AGBL4: variants seen among roughly 807,000 people sequenced by gnomAD.
The protein encoded by AGBL4 is cytosolic carboxypeptidase 6.
AGBL4 carries 58 observed loss-of-function variants against 66.4 expected under a neutral mutation model. That is an observed-to-expected ratio of 0.87 (90% CI 0.71 to 1.09). The LOEUF (loss-of-function observed/expected upper bound fraction) is 1.09, where lower values mean the gene tolerates loss of function less well. AGBL4 is among the 50% of genes least tolerant of loss of function. The pLI is 0.00. For synonymous variants in AGBL4, 234 were observed against 222.9 expected (o/e 1.05, Z -0.44); for missense variants, 579 against 631.0 (o/e 0.92, Z 0.88).
At chr1:49,520,538 A>G (rs185658995) in intron 3 of AGBL4, among the ~76,000 whole-genome samples, 2 of 152,144 alleles carry the variant, frequency 1.3e-5, no homozygotes, top group Admixed American at 1.3e-4. Flanking sequence ...TGTTGCTTCT[A>G]TCTCTACTTT....
At chr1:48,896,303 T>C (rs760816172) in intron 5 of AGBL4, among the ~76,000 whole-genome samples, 2 of 152,220 alleles carry the variant, frequency 1.3e-5, no homozygotes, top group Non-Finnish European at 2.9e-5. Context: ...AAGTCTGGCA[T>C]TGAGGAACCT....
chr1:49,639,002 C>A (rs747788939), intron 3 of AGBL4, among the ~76,000 whole-genome samples: 26 of 152,020 alleles, frequency 1.7e-4, no homozygotes, highest in Non-Finnish European at 2.6e-4. Flanking sequence ...AGGTTTGTGA[C>A]CAACACAAAG....
At chr1:49,569,505 C>T (rs1445703869) in intron 3 of AGBL4, among the ~76,000 whole-genome samples, 1 of 152,066 alleles carries the variant, frequency 6.6e-6, no homozygotes, top group Non-Finnish European at 1.5e-5. Flanking sequence ...CTACTACTTA[C>T]ACACAAAAAT....
At chr1:49,976,971 A>G (rs914155803) in intron 1 of AGBL4, among the ~76,000 whole-genome samples, 2 of 152,194 alleles carry the variant, frequency 1.3e-5, no homozygotes, top group African/African-American at 4.8e-5. Flanking sequence ...TAGCCAATTT[A>G]CTCAATATAC....
intron 9 of AGBL4, among the ~76,000 whole-genome samples, chr1:48,600,458 C>T (rs755760544): frequency 2.0e-5 from 3 of 151,912 alleles, no homozygotes; most frequent in Non-Finnish European, 4.4e-5. Context: ...TGTGGGAACC[C>T]GAGATCACAC....
At chr1:49,145,043 C>A (rs1452213326) in intron 4 of AGBL4, among the ~76,000 whole-genome samples, 1 of 152,028 alleles carries the variant, frequency 6.6e-6, no homozygotes, top group East Asian at 1.9e-4. Flanking sequence ...CCGGATCAGG[C>A]ATAAAATGTG....
intron 6 of AGBL4, among the ~76,000 whole-genome samples, chr1:48,673,859 C>T (rs387244): frequency 0.7 from 106,896 of 152,084 alleles, 38,547 homozygotes; most frequent in African/African-American, 0.85. Flanking sequence ...AGGGAGATTA[C>T]TTCTGTTGCC....
At chr1:48,645,862 G>A (rs1346734462) in intron 8 of AGBL4, among the ~76,000 whole-genome samples, 2 of 152,092 alleles carry the variant, frequency 1.3e-5, no homozygotes, top group Admixed American at 6.5e-5. Flanking sequence ...AGAGGACAGC[G>A]GGAAGGACAG....
intron 6 of AGBL4, among the ~76,000 whole-genome samples, chr1:48,700,105 G>GA (rs1418153512): frequency 6.6e-6 from 1 of 152,064 alleles, no homozygotes; most frequent in African/African-American, 2.4e-5. Context: ...ACTCCTCTGT[G>GA]CCCCTTTCCC....
intron 4 of AGBL4, among the ~76,000 whole-genome samples, chr1:49,055,761 T>A (rs1464249182): frequency 1.3e-5 from 2 of 152,182 alleles, no homozygotes; most frequent in Non-Finnish European, 2.9e-5. Flanking sequence ...TTAATGTACA[T>A]GAATGCCTAT....
chr1:49,303,640 T>C (rs1042496313), intron 3 of AGBL4, among the ~76,000 whole-genome samples: 3 of 151,800 alleles, frequency 2.0e-5, no homozygotes, highest in Admixed American at 2.0e-4. Flanking sequence ...TCTTCTTCTT[T>C]TTTTTTCTTT....
intron 5 of AGBL4, among the ~76,000 whole-genome samples, chr1:49,035,972 G>A (rs772225626): frequency 1.3e-5 from 2 of 151,918 alleles, no homozygotes; most frequent in Admixed American, 6.6e-5. Context: ...GTAGATGGGA[G>A]GAGGGAGTGG....
chr1:49,240,262 A>T (rs1651115628), intron 4 of AGBL4, among the ~76,000 whole-genome samples: 1 of 152,066 alleles, frequency 6.6e-6, no homozygotes, highest in Admixed American at 6.6e-5. Context: ...CCATAAACCT[A>T]TATCTTTTTC....
At chr1:48,893,816 C>T (rs1296486400) in intron 5 of AGBL4, among the ~76,000 whole-genome samples, 2 of 152,158 alleles carry the variant, frequency 1.3e-5, no homozygotes, top group Non-Finnish European at 2.9e-5. Context: ...CTCAGCAGAA[C>T]CCAACCATGC....
intron 6 of AGBL4, among the ~76,000 whole-genome samples, chr1:48,773,304 T>TAA (rs1441126303): frequency 2.0e-5 from 3 of 152,060 alleles, no homozygotes. Flanking sequence ...GGATTGCAGT[T>TAA]AGATGATGGT....
At position 49,525,825 on chromosome 1, in the gene AGBL4, C is replaced by T. The variant is rs947234768; in HGVS notation, c.282+171488G>A. Among the ~76,000 whole-genome samples, 4 of 151,900 alleles carry T rather than the reference C, an allele frequency of 2.6e-5. No homozygotes were observed. In the South Asian group the frequency reaches 6.2e-4, roughly 24 times the overall value. On this transcript the variant is annotated intron_variant, in intron 3 of 13. Transcript: ENST00000371839. ...CCTCTGCACCGGGCACAGTGGCTCA[C>T]GCCTGTAATCCTAGTACTTTGGGAG...
intron 5 of AGBL4, among the ~76,000 whole-genome samples, chr1:48,956,713 C>T (rs1319532000): frequency 1.3e-5 from 2 of 152,188 alleles, no homozygotes; most frequent in African/African-American, 4.8e-5. Context: ...TTAGGGGCCG[C>T]AGCCATAGAA....
chr1:48,641,908 A>AT (rs991857273), intron 8 of AGBL4, among the ~76,000 whole-genome samples: 4 of 152,106 alleles, frequency 2.6e-5, no homozygotes, highest in Non-Finnish European at 5.9e-5. Context: ...CAATATCTTT[A>AT]TTTTTTTAAA....
chr1:48,889,989 CGTGTGT>C (rs10557498), intron 5 of AGBL4, among the ~76,000 whole-genome samples: 2,391 of 148,554 alleles, frequency 0.016, 52 homozygotes, highest in African/African-American at 0.052. Context: ...AGCCTGCTTG[CGTGTGT>C]GTGTGTGTGT....
Sources: allele counts gnomAD v4.1 joint callset (sites outside exome capture counted in the v4.1 genomes callset), GRCh38; gene constraint gnomAD v4.1.1; transcripts MANE v1.5; gene names NCBI Gene and HGNC (gene_info 2026-07-23, HGNC 2026-07-21).